Variants in LEKR1 observed in about 807,000 individuals in gnomAD.
LEKR1 encodes leucine, glutamate and lysine rich 1, also known as protein LEKR1.
LEKR1 carries 59 observed loss-of-function variants against 72.4 expected under a neutral mutation model. That is an observed-to-expected ratio of 0.82 (90% CI 0.66 to 1.01). The LOEUF (loss-of-function observed/expected upper bound fraction) is 1.01. Ranked by LOEUF, LEKR1 falls within the 50% of genes least tolerant of loss-of-function variation. The pLI, the probability that LEKR1 is intolerant of heterozygous loss-of-function variation, is 0.00. For missense variants in LEKR1, 728 were observed against 759.2 expected, an observed-to-expected ratio of 0.96 and a Z score of 0.48; for synonymous variants, 257 against 263.2, an observed-to-expected ratio of 0.98 and a Z score of 0.23.
At position 156,894,538 on chromosome 3, in the gene LEKR1, C is replaced by G. The variant is rs568595721; in HGVS notation, c.264-26037C>G. Among the ~76,000 whole-genome samples the G allele has an allele frequency of 6.6e-5, 10 of 152,204 alleles. 1 individual carries two copies. The South Asian group carries it at 1.9e-3, about 28-fold the overall frequency. ...ATATTTTTCATAGAATTAGAAAAAA[C>G]TATTCTAAAATTCATGTGGAACCAC... On this transcript the variant is annotated intron_variant, in intron 3 of 12. Coordinates refer to ENST00000356539, the MANE Select transcript of LEKR1 (RefSeq NM_001004316.3).
intron 10 of LEKR1, among the ~76,000 whole-genome samples, chr3:157,019,128 A>T (rs763913692): frequency 1.4e-4 from 21 of 152,202 alleles, no homozygotes; most frequent in Non-Finnish European, 2.8e-4. Context: ...TTTAAAAATT[A>T]TATATGCATA....
intron 3 of LEKR1, among the ~76,000 whole-genome samples, chr3:156,899,669 CAT>C (rs201069107): frequency 0.056 from 7,690 of 136,770 alleles, 473 homozygotes; most frequent in African/African-American, 0.09. Flanking sequence ...CATATATACA[CAT>C]ATATACACGC....
intron 2 of LEKR1, among the ~76,000 whole-genome samples, chr3:156,842,017 G>C (rs939436876): frequency 1.1e-4 from 16 of 152,264 alleles, no homozygotes; most frequent in African/African-American, 3.1e-4. Flanking sequence ...CACATGCAAG[G>C]GTTCTAGGTT....
Position 157,045,237 on chromosome 3 carries a change from C to T in LEKR1, c.1669-103C>T, listed in dbSNP as rs560781912. 3.3e-6 allele frequency: 3 copies of T among 921,668 alleles called. No individual in the cohort carries two copies. The South Asian group carries it at 5.2e-5, about 16-fold the overall frequency. 57.1% of individuals were successfully genotyped at this position (921,668 alleles called of 1,614,324 possible). A position where few individuals can be genotyped will look rare whatever the true frequency, so the allele number is the denominator to read the frequency against. On this transcript the variant is annotated intron_variant, in intron 12 of 12. Transcript: ENST00000356539. ...TGTCATAGAGACAAAGAATACAGAC[C>T]TCTGATTTCCAGTTCTGTTCTCAAA... is the stretch of plus-strand genomic sequence containing the variant.
chr3:156,965,781 A>C (rs1245590312), intron 6 of LEKR1, among the ~76,000 whole-genome samples: 3 of 152,220 alleles, frequency 2.0e-5, no homozygotes, highest in Non-Finnish European at 4.4e-5. Context: ...TGAGCTTTGA[A>C]AAATGTTTGC....
At chr3:156,891,141 G>C (rs1387627293) in intron 3 of LEKR1, among the ~76,000 whole-genome samples, 1 of 151,872 alleles carries the variant, frequency 6.6e-6, no homozygotes, top group Non-Finnish European at 1.5e-5. Context: ...CAAAGTGCTG[G>C]GATTACAGGC....
At chr3:157,038,398 A>G (rs1426728796) in intron 12 of LEKR1, among the ~76,000 whole-genome samples, 1 of 152,216 alleles carries the variant, frequency 6.6e-6, no homozygotes, top group Non-Finnish European at 1.5e-5. Flanking sequence ...TGCCTGTTAG[A>G]TACCCAAGTG....
At chr3:156,856,901 C>T (rs1273986005) in intron 3 of LEKR1, among the ~76,000 whole-genome samples, 1 of 151,984 alleles carries the variant, frequency 6.6e-6, no homozygotes, top group Admixed American at 6.6e-5. Flanking sequence ...ATACCCTTTT[C>T]CTCCTTTTTC....
At chr3:156,962,337 G>A (rs927627665) in intron 6 of LEKR1, among the ~76,000 whole-genome samples, 18 of 152,186 alleles carry the variant, frequency 1.2e-4, no homozygotes, top group Non-Finnish European at 2.6e-4. Flanking sequence ...AACCAAGGAA[G>A]TTTGTAATTA....
intron 10 of LEKR1, among the ~76,000 whole-genome samples, chr3:157,023,596 G>C (rs1733986889): frequency 6.6e-6 from 1 of 152,122 alleles, no homozygotes; most frequent in African/African-American, 2.4e-5. Context: ...TTACACAGAA[G>C]CTTTGCCTCC....
chr3:156,936,557 C>T (rs1272432522), intron 5 of LEKR1, among the ~76,000 whole-genome samples: 1 of 151,670 alleles, frequency 6.6e-6, no homozygotes, highest in East Asian at 1.9e-4. Flanking sequence ...CTATCGTATT[C>T]GTTTCTCATT....
chr3:156,909,081 A>T (rs11921057), intron 3 of LEKR1, among the ~76,000 whole-genome samples: 2,967 of 152,142 alleles, frequency 0.02, 103 homozygotes, highest in African/African-American at 0.067. Flanking sequence ...CCCCTTTCAC[A>T]TGGTTCTCAT....
intron 4 of LEKR1, among the ~76,000 whole-genome samples, chr3:156,922,982 G>A (rs1328372065): frequency 6.6e-6 from 1 of 152,016 alleles, no homozygotes; most frequent in African/African-American, 2.4e-5. Context: ...AATTTTCAAT[G>A]TCAACTCCAA....
At chr3:156,829,240 T>C in intron 1 of LEKR1, 46 bp from the exon 2 acceptor site, 1 of 724,652 alleles carries the variant, frequency 1.4e-6, no homozygotes, top group East Asian at 2.8e-5. Context: ...AATTTGAATG[T>C]TCTCTACATT....
intron 12 of LEKR1, 135 bp from the exon 13 acceptor site, chr3:157,045,205 G>T (rs1006064699): frequency 1.5e-6 from 1 of 663,360 alleles, no homozygotes; most frequent in Non-Finnish European, 2.5e-6. Flanking sequence ...TGTCCCATGA[G>T]GTAGAGTGTC....
At chr3:157,042,761 G>A (rs1191763207) in intron 12 of LEKR1, among the ~76,000 whole-genome samples, 2 of 152,176 alleles carry the variant, frequency 1.3e-5, no homozygotes, top group Middle Eastern at 3.4e-3. Flanking sequence ...TGTTATTCAT[G>A]TCAGTAATAT....
chr3:156,947,578 CA>C (rs1227600730), intron 6 of LEKR1, among the ~76,000 whole-genome samples: 1 of 150,990 alleles, frequency 6.6e-6, no homozygotes, highest in Non-Finnish European at 1.5e-5. Context: ...GGCATTAAAG[CA>C]ATATGCATTC....
intron 2 of LEKR1, among the ~76,000 whole-genome samples, chr3:156,837,655 T>C (rs1351961680): frequency 6.6e-6 from 1 of 152,108 alleles, no homozygotes; most frequent in South Asian, 2.1e-4. Flanking sequence ...AGTGAAACAA[T>C]GTGAATATTC....
At chr3:156,941,139 G>GA (rs34450484) in intron 5 of LEKR1, among the ~76,000 whole-genome samples, 77,557 of 150,588 alleles carry the variant, frequency 0.52, 21,256 homozygotes, top group East Asian at 0.73. Flanking sequence ...CTATTTTGAG[G>GA]AAAAAAAAAT....
Sources: allele counts gnomAD v4.1 joint callset (sites outside exome capture counted in the v4.1 genomes callset), GRCh38; gene constraint gnomAD v4.1.1; transcripts MANE v1.5; gene names NCBI Gene and HGNC (gene_info 2026-07-23, HGNC 2026-07-21).